The following JAK1 variants were observed in gnomAD, a reference collection of about 807,000 sequenced individuals.
JAK1 encodes the protein Janus kinase 1.
Under a neutral mutation model 136.6 loss-of-function variants are expected in JAK1, and 16 were observed. The ratio of observed to expected loss-of-function variants is 0.12; its 90% CI spans 0.08 to 0.18. The LOEUF (loss-of-function observed/expected upper bound fraction) is 0.18. Ranked by LOEUF, JAK1 falls within the 10% of genes least tolerant of loss-of-function variation. The pLI is 1.00. For synonymous variants in JAK1, 492 were observed against 519.5 expected (o/e 0.95, Z 0.72); for missense variants, 859 against 1,450.1 (o/e 0.59, Z 6.62).
chr1:64,957,638 G>C (rs868066508), intron 1 of JAK1, among the ~76,000 whole-genome samples: 1 of 151,092 alleles, frequency 6.6e-6, no homozygotes, highest in Non-Finnish European at 1.5e-5. Context: ...GTGAAACCCC[G>C]TCTCTACTAA....
rs763056618 is a variant in JAK1 at position 64,846,748 on chromosome 1, C to G, written c.1900-12G>C. Reference sequence around the variant, plus strand: ...GCCTCGAAGAAGGCCTGTGGGCGAGCAGGACATAGGAATGTCTCAGGCCAG... The same window carrying G: ...GCCTCGAAGAAGGCCTGTGGGCGAGGAGGACATAGGAATGTCTCAGGCCAG... On this transcript the variant is annotated splice_polypyrimidine_tract_variant and intron_variant, in intron 13 of 24. Transcript: ENST00000342505. 1.2e-6 allele frequency: 2 copies of G among 1,610,304 alleles called. No individual in the cohort carries two copies. The highest frequency in any genetic ancestry group is 1.7e-5 in the Admixed American group (1 of 59,946).
chr1:64,921,244 C>T (rs1245695922), intron 1 of JAK1, among the ~76,000 whole-genome samples: 1 of 152,070 alleles, frequency 6.6e-6, no homozygotes, highest in Non-Finnish European at 1.5e-5. Context: ...TACCACACTC[C>T]AAAATCCAGC....
intron 1 of JAK1, among the ~76,000 whole-genome samples, chr1:64,899,051 T>C (rs1403462439): frequency 1.3e-5 from 2 of 152,234 alleles, no homozygotes; most frequent in Admixed American, 6.5e-5. Flanking sequence ...TCAATAATTA[T>C]ATACTTTTTA....
chr1:64,845,619 A>G lies in JAK1; in HGVS notation c.2009T>C (p.Val670Ala). The stretch of plus-strand genomic sequence containing the variant: ...GAAGAGATCCAGAGGACCCCCTTCC[A>G]CAAACTCTTCCACCATGATATCTGT... ...DVENIMVEEF[V>A]EGGPLDLFMH... Residue 670 changes from valine to alanine, a missense_variant, in exon 15 of 25, where the codon GTG (valine) becomes GCG (alanine). By Grantham distance (64) the Val-to-Ala change is moderately conservative. Transcript: ENST00000342505. The G allele has an allele frequency of 6.2e-7, 1 of 1,614,140 alleles. No homozygotes were observed.
intron 1 of JAK1, among the ~76,000 whole-genome samples, chr1:64,913,270 G>A (rs1371416334): frequency 6.6e-6 from 1 of 152,034 alleles, no homozygotes; most frequent in African/African-American, 2.4e-5. Flanking sequence ...GTACCAACTA[G>A]GAGATATTAA....
chr1:65,051,904 C>T (rs973693802), intron 1 of JAK1, among the ~76,000 whole-genome samples: 4 of 152,086 alleles, frequency 2.6e-5, no homozygotes, highest in African/African-American at 4.8e-5. Context: ...TATTACAACC[C>T]GAAACCTTGT....
chr1:64,835,367 G>A (rs774875665), intron 24 of JAK1, 29 bp downstream of exon 24: 1 of 1,192,344 alleles, frequency 8.4e-7, no homozygotes, highest in South Asian at 1.3e-5. Flanking sequence ...GAAATGGAGT[G>A]TTATTACTGT....
intron 1 of JAK1, among the ~76,000 whole-genome samples, chr1:64,905,747 C>T (rs1645179718): frequency 6.6e-6 from 1 of 152,146 alleles, no homozygotes; most frequent in Non-Finnish European, 1.5e-5. Flanking sequence ...TATATTTAGT[C>T]ATGCAATTAA....
chr1:64,931,747 C>T (rs770930514), intron 1 of JAK1, among the ~76,000 whole-genome samples: 11 of 152,118 alleles, frequency 7.2e-5, no homozygotes, highest in Admixed American at 2.0e-4. Context: ...TACAAACTAT[C>T]GGGAGGCACT....
At chr1:65,005,622 C>T (rs1299212728) in intron 2 of JAK1, among the ~76,000 whole-genome samples, 1 of 152,140 alleles carries the variant, frequency 6.6e-6, no homozygotes, top group Non-Finnish European at 1.5e-5. Context: ...TTGATCATTG[C>T]ACATTGTACA....
At chr1:64,967,522 C>A (rs771457659), upstream of JAK1, among the ~76,000 whole-genome samples, 1 of 152,184 alleles carries the variant, frequency 6.6e-6, no homozygotes, top group Non-Finnish European at 1.5e-5. Flanking sequence ...CCTCCGAGGC[C>A]GTGCACGGTC....
intron 1 of JAK1, among the ~76,000 whole-genome samples, chr1:64,912,038 A>T (rs1645293949): frequency 1.3e-5 from 2 of 152,216 alleles, no homozygotes; most frequent in South Asian, 4.1e-4. Flanking sequence ...TGATCAGGAA[A>T]TGCTTTACAG....
chr1:65,058,738 G>T (rs1180954014), intron 1 of JAK1, among the ~76,000 whole-genome samples: 2 of 152,170 alleles, frequency 1.3e-5, no homozygotes, highest in East Asian at 3.8e-4. Flanking sequence ...CCATATTAAT[G>T]AGGATGAACA....
chr1:64,850,614 G>C (rs767591301), intron 12 of JAK1, among the ~76,000 whole-genome samples, 190 bp downstream of exon 12: 1 of 152,246 alleles, frequency 6.6e-6, no homozygotes, highest in Non-Finnish European at 1.5e-5. Context: ...ACATGTCTCT[G>C]AGGAGCATCA....
At chr1:64,840,205 C>T (rs1654802286) in intron 19 of JAK1, among the ~76,000 whole-genome samples, 1 of 152,194 alleles carries the variant, frequency 6.6e-6, no homozygotes, top group South Asian at 2.1e-4. Flanking sequence ...AGATCAGGTT[C>T]CAGCCAAGCC....
intron 2 of JAK1, among the ~76,000 whole-genome samples, chr1:65,004,539 C>G (rs1053570585): frequency 1.3e-5 from 2 of 152,220 alleles, no homozygotes; most frequent in African/African-American, 4.8e-5. Context: ...ACTTCAATGA[C>G]AATCTTGCAA....
chr1:64,914,271 C>T (rs573364660), intron 1 of JAK1, among the ~76,000 whole-genome samples: 5 of 152,260 alleles, frequency 3.3e-5, no homozygotes, highest in Admixed American at 1.3e-4. Context: ...ACGATCTACT[C>T]GCTGCCTTAT....
At chr1:64,917,993 T>C (rs1645428459) in intron 1 of JAK1, among the ~76,000 whole-genome samples, 1 of 152,204 alleles carries the variant, frequency 6.6e-6, no homozygotes, top group Non-Finnish European at 1.5e-5. Context: ...CCAGAGACCA[T>C]GAAGCTCTTC....
chr1:65,037,861 G>A (rs1409496357), intron 2 of JAK1, among the ~76,000 whole-genome samples: 1 of 152,140 alleles, frequency 6.6e-6, no homozygotes, highest in African/African-American at 2.4e-5. Flanking sequence ...GTGAGACCTT[G>A]TTTCTGAAGA....
Sources: allele counts gnomAD v4.1 joint callset (sites outside exome capture counted in the v4.1 genomes callset), GRCh38; gene constraint gnomAD v4.1.1; transcripts MANE v1.5; gene names NCBI Gene and HGNC (gene_info 2026-07-23, HGNC 2026-07-21).